PPID: variants seen among roughly 807,000 people sequenced by gnomAD.
PPID encodes the protein peptidyl-prolyl cis-trans isomerase D.
PPID carries 47 observed loss-of-function variants against 48.1 expected under a neutral mutation model. The observed-to-expected ratio is 0.98, with a 90% confidence interval of 0.77 to 1.25. The LOEUF (loss-of-function observed/expected upper bound fraction) is 1.25. Ranked by LOEUF, PPID falls within the 50% of genes most tolerant of loss-of-function variation. PPID has a pLI of 0.00. For missense variants in PPID, 429 were observed against 443.5 expected, an observed-to-expected ratio of 0.97 and a Z score of 0.29; for synonymous variants, 163 against 148.8, an observed-to-expected ratio of 1.10 and a Z score of -0.69.
At chr4:158,720,580 C>T (rs998112685) in intron 2 of PPID, among the ~76,000 whole-genome samples, 1 of 152,188 alleles carries the variant, frequency 6.6e-6, no homozygotes, top group African/African-American at 2.4e-5. Flanking sequence ...TGATTCATTA[C>T]AAAGTGTAAT....
intron 1 of PPID, among the ~76,000 whole-genome samples, chr4:158,722,734 T>C (rs1350914079): frequency 3.9e-5 from 6 of 152,170 alleles, no homozygotes; most frequent in Admixed American, 3.9e-4. Flanking sequence ...GAATCAGTAA[T>C]AAGGCAAAAG....
At chr4:158,714,517 T>C (rs1456192632) in intron 6 of PPID, among the ~76,000 whole-genome samples, 1 of 151,198 alleles carries the variant, frequency 6.6e-6, no homozygotes, top group Non-Finnish European at 1.5e-5. Flanking sequence ...CCACTAAATA[T>C]AACACATAAT....
rs1428101315 is a variant in PPID at position 158,715,366 on chromosome 4, T to G, written c.683A>C (p.Asn228Thr). ...GGATTTGAAAAAAGTATTTCCAATGTTTTTTAAGTCTTCTGTTATTAATAA... is the reference window on the plus strand; with the variant it reads ...GGATTTGAAAAAAGTATTTCCAATGGTTTTTAAGTCTTCTGTTATTAATAA... ...KILLITEDLK[N>T]IGNTFFKSQN... The change falls in exon 6 of 10, where the codon AAC (asparagine) becomes ACC (threonine). Residue 228 changes from asparagine to threonine, a missense_variant. Physicochemically the swap from Asn to Thr is moderately conservative, Grantham distance 65. Coordinates refer to ENST00000307720, the MANE Select transcript of PPID (RefSeq NM_005038.3). The G allele has an allele frequency of 1.3e-6, 2 of 1,540,404 alleles. No individual in the cohort carries two copies. Among genetic ancestry groups the G allele is most frequent in the Admixed American group, 2.1e-5 (1 of 48,732 alleles).
In PPID at chr4:158,723,255, T is replaced by C. The variant is rs1044099116; in HGVS notation, c.34A>G (p.Asn12Asp). ...AAGAAGACTCGAGGGTTACTGGGGT[T>C]GGAGGGCTTGGCTTGGGGGGACGGG... ...SHPSPQAKPS[N>D]PSNPRVFFDV... is the part of the protein sequence containing the mutation. The change falls in exon 1 of 10, where the codon AAC (asparagine) becomes GAC (aspartate). Residue 12 changes from asparagine (N) to aspartate (D), a missense_variant. Transcript: ENST00000307720. 1.2e-6 allele frequency: 2 copies of C among 1,614,050 alleles called. No homozygotes were observed. Among genetic ancestry groups the C allele is most frequent in the Non-Finnish European group, 1.7e-6 (2 of 1,180,010 alleles).
intron 3 of PPID, 88 bp downstream of exon 3, chr4:158,719,092 A>C: frequency 1.2e-6 from 1 of 811,854 alleles, no homozygotes; most frequent in Non-Finnish European, 2.0e-6. Context: ...AGCACACTTG[A>C]AACATTTTTT....
intron 3 of PPID, 68 bp downstream of exon 3, chr4:158,719,112 A>C: frequency 9.4e-7 from 1 of 1,063,466 alleles, no homozygotes; most frequent in East Asian, 2.5e-5. Flanking sequence ...TGGTGTCTTA[A>C]TCCAACAAGT....
intron 3 of PPID, among the ~76,000 whole-genome samples, chr4:158,718,959 A>C (rs1241875606): frequency 6.6e-6 from 1 of 152,258 alleles, no homozygotes; most frequent in Admixed American, 6.5e-5. Context: ...GCTTAACTGA[A>C]GCATATAAAA....
In PPID at chr4:158,710,815, A is replaced by G; in HGVS notation, c.928T>C (p.Leu310=). ...TGCCATCCTTGAGCTCTGCGGTACAATGCTTTGGTATTTGATGGGTCTAGT... is the reference window on the plus strand; with the variant it reads ...TGCCATCCTTGAGCTCTGCGGTACAGTGCTTTGGTATTTGATGGGTCTAGT... The part of the protein sequence containing the change: ...LELDPSNTKA[L]YRRAQGWQGL... The change falls in exon 8 of 10, where the codon TTG becomes CTG. Residue 310 remains leucine (L), a synonymous_variant. Coordinates refer to ENST00000307720, the MANE Select transcript of PPID (RefSeq NM_005038.3). 3.7e-6 allele frequency: 6 copies of G among 1,613,652 alleles called. No individual in the cohort carries two copies. The highest frequency in any genetic ancestry group is 5.1e-6 in the Non-Finnish European group (6 of 1,179,530).
chr4:158,717,277 T>C (rs1774888608), intron 3 of PPID, 77 bp from the exon 4 acceptor site: 30 of 1,348,646 alleles, frequency 2.2e-5, no homozygotes, highest in Non-Finnish European at 3.0e-6. Flanking sequence ...TGAACTGTTC[T>C]TTTACTGAAC....
In PPID at chr4:158,713,335, T is replaced by C. The variant is rs1176792959; in HGVS notation, c.753-75A>G. 3.1e-6 allele frequency: 4 copies of C among 1,298,188 alleles called. No individual in the cohort carries two copies. The Admixed American group carries it at 1.1e-4, about 36-fold the overall frequency. 80.4% of individuals were successfully genotyped at this position (1,298,188 alleles called of 1,614,324 possible). ...TTACTCTTCTCTATGTCCAGAAGTGTTATGTCATTTCTGATATAAAAAGCT... is the reference window on the plus strand; with the variant it reads ...TTACTCTTCTCTATGTCCAGAAGTGCTATGTCATTTCTGATATAAAAAGCT... On this transcript the variant is annotated intron_variant, in intron 6 of 9. Coordinates refer to ENST00000307720, the MANE Select transcript of PPID (RefSeq NM_005038.3).
At chr4:158,720,701 TTTTGTTTGTTTG>T (rs10580126) in intron 2 of PPID, among the ~76,000 whole-genome samples, 45 of 135,618 alleles carry the variant, frequency 3.3e-4, no homozygotes, top group African/African-American at 1.2e-3. Flanking sequence ...TTATGCATTT[TTTTGTTTGTTTG>T]TTTGTTTGTT....
At chr4:158,715,242 A>AAAT (rs1774851603) in intron 6 of PPID, 55 bp downstream of exon 6, 1 of 1,294,018 alleles carries the variant, frequency 7.7e-7, no homozygotes, top group Non-Finnish European at 1.0e-6. Flanking sequence ...TCTTAATTTT[A>AAAT]GTTTATAATT....
intron 9 of PPID, chr4:158,710,417 A>C: frequency 1.6e-6 from 1 of 610,016 alleles, no homozygotes; most frequent in Non-Finnish European, 2.9e-6. Flanking sequence ...AAAAACTACT[A>C]TATTCTTGAA....
Position 158,722,494 on chromosome 4 carries a change from C to CGT in PPID, c.85+708_85+709dup, listed in dbSNP as rs1366664620. ...GCAACAAACTGAATGTACGTGTAAA[C>CGT]GTGTGTGTGTCCTGTACATGCATTC... On this transcript the variant is annotated intron_variant, in intron 1 of 9. Coordinates refer to ENST00000307720, the MANE Select transcript of PPID (RefSeq NM_005038.3). Among the ~76,000 whole-genome samples the CGT allele has an allele frequency of 2.6e-5, 4 of 152,214 alleles. No individual in the cohort carries two copies. The South Asian group carries it at 6.2e-4, about 24-fold the overall frequency.
chr4:158,721,942 T>A (rs11941866), intron 1 of PPID, among the ~76,000 whole-genome samples: 1,815 of 152,134 alleles, frequency 0.012, 34 homozygotes, highest in African/African-American at 0.039. Flanking sequence ...TATCAAATTT[T>A]AAAAAAAATC....
rs1219687153 is a variant in PPID, at chr4:158,719,179, C to T, written c.333+1G>A. 1 of 1,557,138 alleles carries T rather than the reference C, an allele frequency of 6.4e-7. No homozygotes were observed. The highest frequency in any genetic ancestry group is 1.4e-5 in the African/African-American group (1 of 73,604). On this transcript the variant is annotated splice_donor_variant, in intron 3 of 9. Coordinates refer to ENST00000307720, the MANE Select transcript of PPID (RefSeq NM_005038.3). LOFTEE classifies it high-confidence loss of function. The stretch of plus-strand genomic sequence containing the variant: ...AATAACATGCATTTTCTCTACTTTA[C>T]CTTGTAATGGAAATTTTCATCTTCA...
At chr4:158,715,533 TAA>T in intron 5 of PPID, 27 bp downstream of exon 5, 2 of 1,607,520 alleles carry the variant, frequency 1.2e-6, no homozygotes, top group Non-Finnish European at 1.7e-6. Flanking sequence ...CTAAATTAAT[TAA>T]AGTTTGACTA....
intron 7 of PPID, among the ~76,000 whole-genome samples, chr4:158,711,246 G>A (rs1774785867): frequency 6.6e-6 from 1 of 151,430 alleles, no homozygotes; most frequent in Non-Finnish European, 1.5e-5. Context: ...GTTTTTTTAA[G>A]ACAAGGTCTC....
intron 1 of PPID, 94 bp downstream of exon 1, chr4:158,723,110 A>G: frequency 1.6e-6 from 2 of 1,269,472 alleles, no homozygotes; most frequent in Non-Finnish European, 2.2e-6. Flanking sequence ...CTGAGCAGTC[A>G]CCGGCCGGAG....
Sources: gnomAD v4.1 joint callset for allele counts (sites outside exome capture counted in the v4.1 genomes callset) on GRCh38, gnomAD v4.1.1 for gene constraint, MANE v1.5 for transcripts, NCBI Gene and HGNC (gene_info 2026-07-23, HGNC 2026-07-21) for gene names.